The following SCAPER variants were observed in gnomAD, a reference collection of about 807,000 sequenced individuals.
The protein encoded by SCAPER is S-phase cyclin A associated protein in the ER, also known as S phase cyclin A-associated protein in the endoplasmic reticulum.
In SCAPER, 98 loss-of-function variants were observed where a neutral mutation model predicts 182.2. The ratio of observed to expected loss-of-function variants is 0.54; its 90% CI spans 0.46 to 0.64. The LOEUF (loss-of-function observed/expected upper bound fraction) is 0.64, where lower values mean the gene tolerates loss of function less well. Among genes scored for constraint, SCAPER ranks in the 30% least tolerant of loss-of-function variants. SCAPER has a pLI of 0.00. For synonymous variants in SCAPER, 605 were observed against 564.6 expected, an observed-to-expected ratio of 1.07 and a Z score of -1.01; for missense variants, 1,432 against 1,690.0, an observed-to-expected ratio of 0.85 and a Z score of 2.68.
chr15:76,601,329 T>C (rs62030421), intron 22 of SCAPER, among the ~76,000 whole-genome samples: 15,043 of 121,718 alleles, frequency 0.12, 4,221 homozygotes, highest in Middle Eastern at 0.23. Context: ...TATAAGGATG[T>C]TTCAGTCAAT....
chr15:76,755,888 A>G (rs2062393369), intron 14 of SCAPER, among the ~76,000 whole-genome samples: 1 of 152,152 alleles, frequency 6.6e-6, no homozygotes, highest in African/African-American at 2.4e-5. Context: ...AGGCCAGCAA[A>G]TAACTGCACA....
chr15:76,547,197 C>T (rs532824271), intron 23 of SCAPER, among the ~76,000 whole-genome samples: 1 of 152,264 alleles, frequency 6.6e-6, no homozygotes, highest in South Asian at 2.1e-4. Flanking sequence ...TATGCTTTCC[C>T]ATATTTAGTA....
chr15:76,813,236 A>AT lies in SCAPER; in HGVS notation c.394-8604_394-8603insA, dbSNP rs1568219149. ...TTCAATATCCTTTCACTAAAAAAAAAAAAAAAAAAAAAAAAAAAACAACTC... is the reference window on the plus strand; with the variant it reads ...TTCAATATCCTTTCACTAAAAAAAAATAAAAAAAAAAAAAAAAAAACAACTC... On this transcript the variant is annotated intron_variant, in intron 5 of 31. Transcript: ENST00000563290. 6.2e-3 allele frequency among the ~76,000 whole-genome samples: 523 copies of AT among 83,936 alleles called. 10 individuals are homozygous for AT. The highest frequency in any genetic ancestry group is 0.015 in the African/African-American group (484 of 31,482). 55.1% of individuals were successfully genotyped at this position (83,936 alleles called of 152,430 possible).
chr15:76,448,649 G>C (rs2048169208), intron 25 of SCAPER, among the ~76,000 whole-genome samples: 1 of 152,072 alleles, frequency 6.6e-6, no homozygotes, highest in Admixed American at 6.6e-5. Flanking sequence ...AAACTAAAAA[G>C]GTATTCTGAG....
intron 8 of SCAPER, among the ~76,000 whole-genome samples, chr15:76,778,485 G>A (rs956908455): frequency 6.6e-6 from 1 of 151,976 alleles, no homozygotes; most frequent in Non-Finnish European, 1.5e-5. Flanking sequence ...AGACAGGCAA[G>A]AAATGCAAAG....
chr15:76,878,411 T>C (rs1486761259), intron 2 of SCAPER, among the ~76,000 whole-genome samples: 1 of 138,650 alleles, frequency 7.2e-6, no homozygotes, highest in Non-Finnish European at 1.6e-5. Context: ...AGGGGAGTAT[T>C]TTCATGATTT....
At chr15:76,615,213 G>C (rs541253461) in intron 22 of SCAPER, among the ~76,000 whole-genome samples, 20 of 151,984 alleles carry the variant, frequency 1.3e-4, no homozygotes, top group Admixed American at 4.6e-4. Context: ...GGAGGCTGAG[G>C]GGGGGCGGAT....
At chr15:76,383,697 A>G (rs2043115304) in intron 27 of SCAPER, among the ~76,000 whole-genome samples, 3 of 152,162 alleles carry the variant, frequency 2.0e-5, no homozygotes, top group Admixed American at 6.5e-5. Flanking sequence ...GGTCATACAA[A>G]TTTTTAGTGG....
At chr15:76,747,990 T>C (rs2151157979) in intron 15 of SCAPER, among the ~76,000 whole-genome samples, 1 of 151,874 alleles carries the variant, frequency 6.6e-6, no homozygotes, top group Non-Finnish European at 1.5e-5. Flanking sequence ...TCTTTTTTTT[T>C]TTTTCCTTTT....
Position 76,348,435 on chromosome 15 carries a change from A to G in SCAPER, c.*198T>C. ...CCAAGATACTCTGCATAAATGAAAT[A>G]AACTCAACTTGCAAAATTAGCAAGT... On this transcript the variant is annotated 3_prime_UTR_variant, in exon 32 of 32. Coordinates refer to ENST00000563290, the MANE Select transcript of SCAPER (RefSeq NM_020843.4). The G allele has an allele frequency of 4.9e-6, 2 of 407,744 alleles. No homozygotes were observed. Among genetic ancestry groups the G allele is most frequent in the South Asian group, 1.3e-4 (2 of 15,250 alleles). 25.3% of individuals were successfully genotyped at this position (407,744 alleles called of 1,614,324 possible). A position where few individuals can be genotyped will look rare whatever the true frequency, so the allele number is the denominator to read the frequency against.
intron 5 of SCAPER, among the ~76,000 whole-genome samples, chr15:76,826,204 C>T (rs1216235716): frequency 6.6e-6 from 1 of 151,878 alleles, no homozygotes; most frequent in Non-Finnish European, 1.5e-5. Context: ...AAATGTGGCA[C>T]ATATACACCA....
At chr15:76,564,013 C>T (rs1473354931) in intron 23 of SCAPER, among the ~76,000 whole-genome samples, 1 of 152,062 alleles carries the variant, frequency 6.6e-6, no homozygotes, top group Admixed American at 6.6e-5. Flanking sequence ...AAATAACATA[C>T]CTCAAAATAA....
chr15:76,638,464 C>A (rs11072610), intron 21 of SCAPER, among the ~76,000 whole-genome samples: 42,574 of 152,018 alleles, frequency 0.28, 6,616 homozygotes, highest in East Asian at 0.55. Flanking sequence ...TTCAATAGTT[C>A]ATCACTAAGT....
chr15:76,721,422 T>C (rs1050981360), intron 17 of SCAPER, among the ~76,000 whole-genome samples: 12 of 151,930 alleles, frequency 7.9e-5, no homozygotes, highest in Admixed American at 2.0e-4. Flanking sequence ...CTTTTTTGGT[T>C]CCATATGAAC....
chr15:76,794,090 A>ATT (rs1176196464), intron 8 of SCAPER, among the ~76,000 whole-genome samples: 3 of 152,224 alleles, frequency 2.0e-5, no homozygotes, highest in Non-Finnish European at 2.9e-5. Context: ...TTTCCCACAG[A>ATT]ATGGCATAAC....
chr15:76,441,205 G>A (rs146429626), intron 25 of SCAPER, among the ~76,000 whole-genome samples: 2 of 151,866 alleles, frequency 1.3e-5, no homozygotes, highest in South Asian at 2.1e-4. Context: ...ACAGGTGTGA[G>A]CCACCGTGCC....
At chr15:76,780,301 G>C (rs547762833) in intron 8 of SCAPER, among the ~76,000 whole-genome samples, 71 of 152,370 alleles carry the variant, frequency 4.7e-4, no homozygotes, top group Admixed American at 1.0e-3. Context: ...AGATCCACCT[G>C]TGAGGCTACA....
intron 5 of SCAPER, among the ~76,000 whole-genome samples, chr15:76,805,970 C>T (rs1209108739): frequency 6.6e-6 from 1 of 152,112 alleles, no homozygotes; most frequent in Non-Finnish European, 1.5e-5. Context: ...TTTATATATT[C>T]TAGGTATTAG....
intron 5 of SCAPER, among the ~76,000 whole-genome samples, chr15:76,827,320 A>T (rs988887038): frequency 6.6e-6 from 1 of 152,200 alleles, no homozygotes; most frequent in Non-Finnish European, 1.5e-5. Context: ...ATACGTCTCC[A>T]CTTGGAATCC....
Sources: gnomAD v4.1 joint callset for allele counts (sites outside exome capture counted in the v4.1 genomes callset) on GRCh38, gnomAD v4.1.1 for gene constraint, MANE v1.5 for transcripts, NCBI Gene and HGNC (gene_info 2026-07-23, HGNC 2026-07-21) for gene names.